SGCZ: variants seen among roughly 807,000 people sequenced by gnomAD.
SGCZ encodes the protein zeta-sarcoglycan.
Under a neutral mutation model 41.3 loss-of-function variants are expected in SGCZ, and 40 were observed. The observed-to-expected ratio is 0.97, with a 90% CI of 0.75 to 1.26. The LOEUF is 1.26. Among genes scored for constraint, SGCZ ranks in the 50% most tolerant of loss-of-function variants. The pLI is 0.00. For missense variants in SGCZ, 552 were observed against 369.8 expected, an observed-to-expected ratio of 1.49 and a Z score of -4.04; for synonymous variants, 206 against 137.5, an observed-to-expected ratio of 1.50 and a Z score of -3.49.
chr8:14,378,678 G>C (rs1199376495), intron 2 of SGCZ, among the ~76,000 whole-genome samples: 4 of 152,160 alleles, frequency 2.6e-5, no homozygotes, highest in African/African-American at 9.7e-5. Flanking sequence ...CCTAGGATTT[G>C]CGATTGGCAT....
At chr8:14,439,757 T>G (rs1202117110) in intron 2 of SGCZ, among the ~76,000 whole-genome samples, 1 of 151,912 alleles carries the variant, frequency 6.6e-6, no homozygotes, top group African/African-American at 2.4e-5. Context: ...AAACAGAAAT[T>G]GAGGGGAACT....
At chr8:14,873,749 T>G (rs529157810) in intron 1 of SGCZ, among the ~76,000 whole-genome samples, 11 of 152,120 alleles carry the variant, frequency 7.2e-5, no homozygotes, top group Non-Finnish European at 1.5e-4. Flanking sequence ...TGACCTATAT[T>G]TGGATATTGT....
At chr8:15,147,553 C>T (rs935429951) in intron 1 of SGCZ, among the ~76,000 whole-genome samples, 1 of 152,212 alleles carries the variant, frequency 6.6e-6, no homozygotes. Context: ...GCTGGGATCA[C>T]AGGCGTGAGC....
Position 14,975,338 on chromosome 8 carries a change from G to A in SGCZ, c.39+262247C>T, listed in dbSNP as rs899192769. ...AAAACAAAAACAAAAAAGAATTCCA[G>A]CCTCATCCAAAGGGGAATTGTGTAG... On this transcript the variant is annotated intron_variant, in intron 1 of 7. Transcript: ENST00000382080. 2.6e-5 allele frequency among the ~76,000 whole-genome samples: 4 copies of A among 152,070 alleles called. No homozygotes were observed. In the East Asian group the frequency reaches 7.7e-4, roughly 29 times the overall value.
At chr8:14,531,938 G>T (rs1803145375) in intron 2 of SGCZ, among the ~76,000 whole-genome samples, 1 of 152,118 alleles carries the variant, frequency 6.6e-6, no homozygotes, top group East Asian at 1.9e-4. Context: ...AATTTAATAG[G>T]ATATCACAAT....
At chr8:14,884,597 T>C (rs1004828400) in intron 1 of SGCZ, among the ~76,000 whole-genome samples, 2 of 152,194 alleles carry the variant, frequency 1.3e-5, no homozygotes, top group Non-Finnish European at 2.9e-5. Context: ...ACTACTCTCA[T>C]GGTTTTTAAA....
chr8:14,249,655 G>C (rs549016700), intron 3 of SGCZ, among the ~76,000 whole-genome samples: 13 of 152,190 alleles, frequency 8.5e-5, no homozygotes, highest in Admixed American at 5.2e-4. Context: ...AAATATTAGA[G>C]ATAATCTATT....
chr8:14,946,743 T>C (rs1280501909), intron 1 of SGCZ, among the ~76,000 whole-genome samples: 1 of 149,546 alleles, frequency 6.7e-6, no homozygotes, highest in African/African-American at 2.5e-5. Flanking sequence ...CAGAACAATC[T>C]CAGCTCACTG....
At chr8:14,914,227 T>C (rs1177097903) in intron 1 of SGCZ, among the ~76,000 whole-genome samples, 3 of 142,192 alleles carry the variant, frequency 2.1e-5, no homozygotes, top group Admixed American at 6.9e-5. Flanking sequence ...TAAATATGTA[T>C]GCGTATATAT....
Position 15,082,628 on chromosome 8 carries a change from C to T in SGCZ, c.39+154957G>A, listed in dbSNP as rs182849593. Among the ~76,000 whole-genome samples, 123 of 152,162 alleles carry T rather than the reference C, an allele frequency of 8.1e-4. No homozygotes were observed. The Middle Eastern group carries it at 0.01, about 13-fold the overall frequency. Reference sequence around the variant, plus strand: ...AATATAAAAACGTCCAGTGCAGAGGCATGGCAGGTTGAACTGGAAGCAGGA... The same window carrying T: ...AATATAAAAACGTCCAGTGCAGAGGTATGGCAGGTTGAACTGGAAGCAGGA... On this transcript the variant is annotated intron_variant, in intron 1 of 7. Coordinates refer to ENST00000382080, the MANE Select transcript of SGCZ (RefSeq NM_139167.4).
At chr8:14,261,678 C>T (rs1379324928) in intron 3 of SGCZ, among the ~76,000 whole-genome samples, 1 of 152,058 alleles carries the variant, frequency 6.6e-6, no homozygotes, top group Non-Finnish European at 1.5e-5. Flanking sequence ...ATCATACCAA[C>T]CAAGCAATGT....
intron 2 of SGCZ, among the ~76,000 whole-genome samples, chr8:14,527,975 A>G (rs1259959401): frequency 1.3e-5 from 2 of 152,116 alleles, no homozygotes; most frequent in African/African-American, 4.8e-5. Flanking sequence ...TTTATCTATC[A>G]TATGAGTGAA....
intron 1 of SGCZ, among the ~76,000 whole-genome samples, chr8:14,571,969 G>T (rs187710583): frequency 6.6e-6 from 1 of 152,076 alleles, no homozygotes; most frequent in Non-Finnish European, 1.5e-5. Flanking sequence ...AATAGGAAAA[G>T]AAATAATAAC....
At chr8:15,198,864 G>A (rs1033029430) in intron 1 of SGCZ, among the ~76,000 whole-genome samples, 1 of 152,100 alleles carries the variant, frequency 6.6e-6, no homozygotes, top group South Asian at 2.1e-4. Flanking sequence ...CTTTCTTGTT[G>A]AGGAAATCAA....
intron 4 of SGCZ, among the ~76,000 whole-genome samples, chr8:14,186,981 A>T (rs1034021985): frequency 5.3e-5 from 8 of 152,270 alleles, no homozygotes; most frequent in African/African-American, 1.9e-4. Context: ...CATGCCCCAG[A>T]TCATTCTTGA....
chr8:14,401,734 G>A (rs1354392987), intron 2 of SGCZ, among the ~76,000 whole-genome samples: 3 of 151,698 alleles, frequency 2.0e-5, no homozygotes, highest in East Asian at 1.9e-4. Context: ...TGTGAATAAT[G>A]CCGCAATAAA....
intron 1 of SGCZ, among the ~76,000 whole-genome samples, chr8:15,081,409 T>C (rs955548277): frequency 3.3e-5 from 5 of 152,148 alleles, no homozygotes; most frequent in Non-Finnish European, 7.3e-5. Context: ...TAAAGAAACC[T>C]AGTTTATGAC....
chr8:14,930,121 A>C (rs1799884291), intron 1 of SGCZ, among the ~76,000 whole-genome samples: 1 of 152,054 alleles, frequency 6.6e-6, no homozygotes, highest in Admixed American at 6.5e-5. Flanking sequence ...AATTAAATGT[A>C]AGTTATTTGA....
chr8:15,142,694 C>T (rs1338109837), intron 1 of SGCZ, among the ~76,000 whole-genome samples: 1 of 150,858 alleles, frequency 6.6e-6, no homozygotes, highest in Non-Finnish European at 1.5e-5. Context: ...TCACTGTAAC[C>T]TCCGCCTCCT....
Sources: gnomAD v4.1 joint callset for allele counts (sites outside exome capture counted in the v4.1 genomes callset) on GRCh38, gnomAD v4.1.1 for gene constraint, MANE v1.5 for transcripts, NCBI Gene and HGNC (gene_info 2026-07-23, HGNC 2026-07-21) for gene names.